LRRD1: variants seen among roughly 807,000 people sequenced by gnomAD.
LRRD1 encodes leucine rich repeats and death domain containing 1.
A neutral mutation model predicts 69.5 loss-of-function variants in LRRD1; 49 were observed. That is an observed-to-expected ratio of 0.70 (90% CI 0.56 to 0.89). The LOEUF (loss-of-function observed/expected upper bound fraction) is 0.89, where lower values mean the gene tolerates loss of function less well. Among genes scored for constraint, LRRD1 ranks in the 40% least tolerant of loss-of-function variants. The probability of loss-of-function intolerance (pLI) is 0.00; values close to 1 mark genes in which losing one functional copy is unlikely to be tolerated. For missense variants in LRRD1, 853 were observed against 956.0 expected, an observed-to-expected ratio of 0.89 and a Z score of 1.42; for synonymous variants, 303 against 338.9, an observed-to-expected ratio of 0.89 and a Z score of 1.16.
chr7:92,147,181 C>T (rs1355063562), intron 4 of LRRD1, among the ~76,000 whole-genome samples: 3 of 151,756 alleles, frequency 2.0e-5, no homozygotes, highest in Non-Finnish European at 4.4e-5. Flanking sequence ...ATTCTCCTGC[C>T]TCAGCCTCCC....
chr7:92,167,083 C>G (rs1353990182), intron 1 of LRRD1, among the ~76,000 whole-genome samples: 1 of 150,510 alleles, frequency 6.6e-6, no homozygotes, highest in East Asian at 2.0e-4. Flanking sequence ...TCAACATACA[C>G]AAGTCAATTT....
intron 4 of LRRD1, among the ~76,000 whole-genome samples, chr7:92,148,405 C>G (rs1820381984): frequency 6.6e-6 from 1 of 152,100 alleles, no homozygotes; most frequent in Non-Finnish European, 1.5e-5. Context: ...ATGTACCATC[C>G]CGCGTGATCA....
chr7:92,147,311 G>A (rs1341130904), intron 4 of LRRD1, among the ~76,000 whole-genome samples: 3 of 151,914 alleles, frequency 2.0e-5, no homozygotes, highest in Non-Finnish European at 4.4e-5. Context: ...CAGGTGATCC[G>A]CCCTCCTCGG....
At chr7:92,150,803 A>G in intron 3 of LRRD1, 108 bp from the exon 4 acceptor site, 1 of 722,006 alleles carries the variant, frequency 1.4e-6, no homozygotes, top group Non-Finnish European at 2.2e-6. Context: ...GACCCTCACA[A>G]TGCAGCAGGT....
chr7:92,171,161 A>G (rs1410887586), intron 1 of LRRD1, among the ~76,000 whole-genome samples: 1 of 152,174 alleles, frequency 6.6e-6, no homozygotes, highest in Non-Finnish European at 1.5e-5. Context: ...CCAAATTAAA[A>G]TTAGTAGAAG....
At position 92,165,399 on chromosome 7, in the gene LRRD1, AAACT is replaced by A. The variant is rs561127720; in HGVS notation, c.-74-127_-74-124del. On this transcript the variant is annotated intron_variant, in intron 1 of 5. Transcript: ENST00000458448. Reference sequence around the variant, plus strand: ...CAAATACAAATAATACATTTATAACAAACTAATTTTATATATAATTCCTGATTAA... The same window carrying A: ...CAAATACAAATAATACATTTATAACAAATTTTATATATAATTCCTGATTAA... 1,822 of 307,688 alleles carry A rather than the reference AAACT, an allele frequency of 5.9e-3. 9 individuals carry two copies. Among genetic ancestry groups the A allele is most frequent in the Non-Finnish European group, 8.4e-3 (1,452 of 172,152 alleles). 19.1% of individuals were successfully genotyped at this position (307,688 alleles called of 1,614,324 possible).
chr7:92,167,903 A>AAAAAATAAAT (rs1315806964), intron 1 of LRRD1, among the ~76,000 whole-genome samples: 1 of 143,718 alleles, frequency 7.0e-6, no homozygotes, highest in African/African-American at 2.8e-5. Flanking sequence ...AAAAAAAAAA[A>AAAAAATAAAT]AAAAATAAGT....
At chr7:92,166,140 C>T (rs1301498057) in intron 1 of LRRD1, among the ~76,000 whole-genome samples, 1 of 152,180 alleles carries the variant, frequency 6.6e-6, no homozygotes, top group Non-Finnish European at 1.5e-5. Flanking sequence ...GGTACCAGCA[C>T]CAGCTGGGTA....
At position 92,164,474 on chromosome 7, in the gene LRRD1, G is replaced by T. The variant is rs757845580; in HGVS notation, c.729C>A (p.Asn243Lys). ...LGNIRQLFFY[N>K]NYIENFPSDL... ...CAGAAGGAAAATTTTCAATGTAATT[G>T]TTATAAAAAAAGAGTTGTCTGATAT... is the stretch of plus-strand genomic sequence containing the variant. Residue 243 changes from asparagine to lysine, a missense_variant, in exon 2 of 6, where the codon AAC (asparagine) becomes AAA (lysine). By Grantham distance (94) the Asn-to-Lys change is moderately conservative. Transcript: ENST00000458448. 6.5e-7 allele frequency: 1 copy of T among 1,549,806 alleles called. No individual in the cohort carries two copies. Among genetic ancestry groups the T allele is most frequent in the Non-Finnish European group, 8.7e-7 (1 of 1,146,156 alleles).
intron 3 of LRRD1, among the ~76,000 whole-genome samples, chr7:92,155,124 C>CT (rs1265781655): frequency 1.3e-5 from 2 of 152,192 alleles, no homozygotes; most frequent in African/African-American, 4.8e-5. Flanking sequence ...GAACTCTCAC[C>CT]TTTTCACTTA....
In LRRD1 at chr7:92,177,015, T is replaced by G. The variant is rs140234465; in HGVS notation, c.-75+1992A>C. On this transcript the variant is annotated intron_variant, in intron 1 of 5. Transcript: ENST00000458448. ...TATAAATAATAAAAATATAAGAAATTTATTACTTATACAAGTAATATACAA... is the reference window on the plus strand; with the variant it reads ...TATAAATAATAAAAATATAAGAAATGTATTACTTATACAAGTAATATACAA... Among the ~76,000 whole-genome samples, 3 of 148,530 alleles carry G rather than the reference T, an allele frequency of 2.0e-5. No homozygotes were observed. The East Asian group carries it at 5.8e-4, about 29-fold the overall frequency.
intron 4 of LRRD1, among the ~76,000 whole-genome samples, chr7:92,149,699 T>TTTTATTTA (rs200080358): frequency 7.9e-5 from 12 of 151,612 alleles, no homozygotes; most frequent in East Asian, 3.9e-4. Flanking sequence ...GCCGAATGTA[T>TTTTATTTA]TTTATTTATT....
At chr7:92,174,494 TA>T (rs1789129695) in intron 1 of LRRD1, among the ~76,000 whole-genome samples, 2 of 19,750 alleles carry the variant, frequency 1.0e-4, no homozygotes, top group African/African-American at 4.2e-4. Flanking sequence ...TATATATATA[TA>T]TATATATATA....
intron 1 of LRRD1, among the ~76,000 whole-genome samples, chr7:92,171,433 G>A (rs1789054910): frequency 6.6e-6 from 1 of 152,084 alleles, no homozygotes. Flanking sequence ...AGAGGAAATG[G>A]ATGAATTTCT....
At chr7:92,172,024 T>C (rs960001916) in intron 1 of LRRD1, among the ~76,000 whole-genome samples, 1 of 152,124 alleles carries the variant, frequency 6.6e-6, no homozygotes, top group Non-Finnish European at 1.5e-5. Flanking sequence ...CTTAGGAAGG[T>C]GAGATGGGAG....
At chr7:92,175,974 CAT>C (rs776966392) in intron 1 of LRRD1, among the ~76,000 whole-genome samples, 5 of 152,178 alleles carry the variant, frequency 3.3e-5, no homozygotes, top group Admixed American at 6.6e-5. Context: ...ATCAATACCA[CAT>C]GTTTTAATGA....
downstream of LRRD1, among the ~76,000 whole-genome samples, chr7:92,144,651 G>T: frequency 7.2e-6 from 1 of 138,206 alleles, no homozygotes; most frequent in Admixed American, 7.2e-5. Context: ...AAAAAAAAAG[G>T]AATTATTTTC....
At chr7:92,158,967 C>T (rs1457291289) in intron 3 of LRRD1, 38 bp downstream of exon 3, 6 of 1,488,510 alleles carry the variant, frequency 4.0e-6, no homozygotes, top group Admixed American at 2.6e-5. Flanking sequence ...TAATACTCTA[C>T]TTATTGATTA....
intron 2 of LRRD1, 28 bp from the exon 3 acceptor site, chr7:92,159,231 T>A: frequency 7.7e-7 from 1 of 1,298,674 alleles, no homozygotes; most frequent in South Asian, 1.7e-5. Context: ...CAATTATACA[T>A]TTATAAATAC....
Sources: gnomAD v4.1 joint callset for allele counts (sites outside exome capture counted in the v4.1 genomes callset) on GRCh38, gnomAD v4.1.1 for gene constraint, MANE v1.5 for transcripts, NCBI Gene and HGNC (gene_info 2026-07-23, HGNC 2026-07-21) for gene names.